Variants in FRMPD4 observed in about 807,000 individuals in gnomAD.
The protein encoded by FRMPD4 is FERM and PDZ domain containing 4.
FRMPD4 carries 22 observed loss-of-function variants against 94.1 expected under a neutral mutation model. The observed-to-expected ratio is 0.23, with a 90% CI of 0.17 to 0.33. FRMPD4 has a LOEUF of 0.33. Among genes scored for constraint, FRMPD4 ranks in the 10% least tolerant of loss-of-function variants. FRMPD4 has a pLI of 1.00. For synonymous variants in FRMPD4, 631 were observed against 548.6 expected (o/e 1.15, Z -2.10); for missense variants, 1,111 against 1,339.9 (o/e 0.83, Z 2.67).
At chrX:11,845,757 A>G (rs6640794) in intron 1 of FRMPD4, among the ~76,000 whole-genome samples, 13,726 of 109,359 alleles carry the variant, frequency 0.13, 1,113 homozygotes, top group African/African-American at 0.28. Flanking sequence ...TCCAGCATAT[A>G]AACAGAACCA....
Position 12,322,035 on chromosome X carries a change from G to T in FRMPD4, c.42-176645G>T, listed in dbSNP as rs374229376. On this transcript the variant is annotated intron_variant, in intron 1 of 16. Transcript: ENST00000675598. ...TTGTGTCAGAGCTGAGAAACACTGA[G>T]TTGAGAAAACTCCCAGTTGTATATG... 2.3e-4 allele frequency among the ~76,000 whole-genome samples: 26 copies of T among 111,870 alleles called. No homozygotes were observed. In the South Asian group the frequency reaches 9.5e-3, roughly 41 times the overall value.
chrX:12,551,646 A>G (rs1237308329), intron 2 of FRMPD4, among the ~76,000 whole-genome samples: 1 of 111,130 alleles, frequency 9.0e-6, no homozygotes, highest in East Asian at 2.8e-4. Context: ...TTTATCTCAT[A>G]CCCATGGTGT....
chrX:12,678,806 C>G (rs984802026), intron 5 of FRMPD4, among the ~76,000 whole-genome samples: 2 of 112,366 alleles, frequency 1.8e-5, no homozygotes, highest in African/African-American at 6.5e-5. Flanking sequence ...CCCTGGGCAA[C>G]AAGAGTGAAA....
At chrX:12,164,726 C>G (rs1316250544) in intron 1 of FRMPD4, among the ~76,000 whole-genome samples, 1 of 111,980 alleles carries the variant, frequency 8.9e-6, no homozygotes, top group Non-Finnish European at 1.9e-5. Flanking sequence ...CCTGACTTTT[C>G]AATGATTGCC....
At chrX:12,582,433 A>G (rs1326023898) in intron 2 of FRMPD4, among the ~76,000 whole-genome samples, 1 of 111,998 alleles carries the variant, frequency 8.9e-6, no homozygotes, top group African/African-American at 3.2e-5. Flanking sequence ...GCTCCATGAT[A>G]TCGCCCTTGT....
rs1470651861 is a variant in FRMPD4, at chrX:11,840,840, C to A, written c.-161+18125C>A. On this transcript the variant is annotated intron_variant, in intron 1 of 18. Coordinates refer to the FRMPD4 transcript ENST00000640291. ...ACATGTGCCTTGCTGGTGTGCTGCACCCATTAACTCGTCATTTAGCATTAC... is the reference window on the plus strand; with the variant it reads ...ACATGTGCCTTGCTGGTGTGCTGCAACCATTAACTCGTCATTTAGCATTAC... Among the ~76,000 whole-genome samples the A allele has an allele frequency of 2.8e-5, 3 of 106,239 alleles. No individual in the cohort carries two copies. The East Asian group carries it at 8.9e-4, about 32-fold the overall frequency. 92.3% of individuals were successfully genotyped at this position (106,239 alleles called of 115,157 possible).
intron 1 of FRMPD4, among the ~76,000 whole-genome samples, chrX:12,241,463 A>G (rs1319584326): frequency 8.9e-6 from 1 of 112,546 alleles, no homozygotes; most frequent in East Asian, 2.8e-4. Flanking sequence ...TGGTGAAAGC[A>G]CACTTCCAAC....
chrX:12,073,835 C>G (rs1328786945), intron 3 of FRMPD4, among the ~76,000 whole-genome samples: 1 of 111,348 alleles, frequency 9.0e-6, no homozygotes, highest in Non-Finnish European at 1.9e-5. Flanking sequence ...CTTCCTGTGT[C>G]CAGGATTACA....
chrX:11,948,307 G>A (rs985152821), intron 3 of FRMPD4, among the ~76,000 whole-genome samples: 4 of 110,232 alleles, frequency 3.6e-5, no homozygotes, highest in African/African-American at 1.3e-4. Context: ...ATTAGGTTAT[G>A]AGGGTGGAGT....
At chrX:12,528,982 A>C (rs758692149) in intron 2 of FRMPD4, among the ~76,000 whole-genome samples, 1 of 112,618 alleles carries the variant, frequency 8.9e-6, no homozygotes, top group African/African-American at 3.2e-5. Context: ...CTATTGCTGC[A>C]TAACAAATTT....
At chrX:11,891,587 A>G (rs1054156116) in intron 3 of FRMPD4, among the ~76,000 whole-genome samples, 1 of 112,132 alleles carries the variant, frequency 8.9e-6, no homozygotes, top group Non-Finnish European at 1.9e-5. Context: ...GACATCTAAC[A>G]CTGGGTATGC....
At chrX:12,382,914 A>G (rs2056345654) in intron 1 of FRMPD4, among the ~76,000 whole-genome samples, 1 of 112,254 alleles carries the variant, frequency 8.9e-6, no homozygotes, top group Non-Finnish European at 1.9e-5. Flanking sequence ...CAGGGCTGTA[A>G]ACATAATAGG....
chrX:12,179,356 A>G (rs779752972), intron 1 of FRMPD4, among the ~76,000 whole-genome samples: 3 of 111,280 alleles, frequency 2.7e-5, no homozygotes, highest in African/African-American at 6.5e-5. Flanking sequence ...ATGGGAGGAG[A>G]AACAAAATCA....
chrX:12,110,400 G>T (rs2055347771), intron 3 of FRMPD4, among the ~76,000 whole-genome samples: 1 of 111,801 alleles, frequency 8.9e-6, no homozygotes, highest in Admixed American at 9.5e-5. Flanking sequence ...CAATAAATTA[G>T]GTATTTCTGG....
chrX:12,111,220 A>C (rs745587655), intron 3 of FRMPD4, among the ~76,000 whole-genome samples: 2 of 111,974 alleles, frequency 1.8e-5, no homozygotes, highest in South Asian at 7.6e-4. Context: ...GTCAAAACAG[A>C]GTTATAGACC....
intron 1 of FRMPD4, among the ~76,000 whole-genome samples, chrX:12,394,666 C>CT (rs2056519859): frequency 9.0e-6 from 1 of 111,163 alleles, no homozygotes; most frequent in Non-Finnish European, 1.9e-5. Flanking sequence ...CCTCCCTTCT[C>CT]TTTTTTTCTT....
intron 2 of FRMPD4, among the ~76,000 whole-genome samples, chrX:12,557,068 G>C (rs2058603275): frequency 8.9e-6 from 1 of 112,070 alleles, no homozygotes; most frequent in South Asian, 3.8e-4. Context: ...GCCTCCCAAA[G>C]TGCTGGGATT....
At chrX:12,607,206 C>T in intron 2 of FRMPD4, among the ~76,000 whole-genome samples, 1 of 111,603 alleles carries the variant, frequency 9.0e-6, no homozygotes, top group East Asian at 2.8e-4. Flanking sequence ...TCCTCTGACA[C>T]CCAGGCCTCT....
At chrX:12,577,897 G>A (rs1180506929) in intron 2 of FRMPD4, among the ~76,000 whole-genome samples, 4 of 112,439 alleles carry the variant, frequency 3.6e-5, no homozygotes, top group African/African-American at 1.3e-4. Flanking sequence ...AAATACCAAC[G>A]ATTGGGTGGC....
Sources: allele counts gnomAD v4.1 joint callset (sites outside exome capture counted in the v4.1 genomes callset), GRCh38; gene constraint gnomAD v4.1.1; transcripts MANE v1.5; gene names NCBI Gene and HGNC (gene_info 2026-07-23, HGNC 2026-07-21).